SEMA3A: variants seen among roughly 807,000 people sequenced by gnomAD.
The protein encoded by SEMA3A is semaphorin-3A.
Under a neutral mutation model 97.9 loss-of-function variants are expected in SEMA3A, and 29 were observed. That is an observed-to-expected ratio of 0.30 (90% CI 0.22 to 0.40). The LOEUF (loss-of-function observed/expected upper bound fraction) is 0.40, where lower values mean the gene tolerates loss of function less well. SEMA3A is among the 10% of genes least tolerant of loss of function. SEMA3A has a pLI of 1.00. For missense variants in SEMA3A, 763 were observed against 951.3 expected (o/e 0.80, Z 2.60); for synonymous variants, 321 against 323.7 (o/e 0.99, Z 0.09).
chr7:84,460,613 TC>T (rs1415431534), intron 1 of SEMA3A, among the ~76,000 whole-genome samples: 44 of 152,348 alleles, frequency 2.9e-4, no homozygotes, highest in Non-Finnish European at 4.7e-4. Context: ...TTTGTACAGT[TC>T]CCAGTCCACT....
At chr7:84,416,726 C>A (rs1402673747) in intron 1 of SEMA3A, among the ~76,000 whole-genome samples, 1 of 152,024 alleles carries the variant, frequency 6.6e-6, no homozygotes, top group Non-Finnish European at 1.5e-5. Flanking sequence ...TAGTTGGAAA[C>A]CAGATTGGAA....
chr7:84,316,648 T>C lies in SEMA3A; in HGVS notation c.-168-9356A>G, dbSNP rs762936494. 3.2e-4 allele frequency among the ~76,000 whole-genome samples: 49 copies of C among 152,276 alleles called. 1 individual carries two copies. The highest frequency in any genetic ancestry group is 5.4e-4 in the Non-Finnish European group (37 of 68,012). On this transcript the variant is annotated intron_variant, in intron 2 of 3. Coordinates refer to the SEMA3A transcript ENST00000424555. ...GAGATTTACCATTTAAGAGCTCCTG[T>C]GAATCTTCTCTCCTGTTACTTGATG... is the stretch of plus-strand genomic sequence containing the variant.
At chr7:84,011,985 C>T (rs370368027) in intron 7 of SEMA3A, among the ~76,000 whole-genome samples, 1 of 151,752 alleles carries the variant, frequency 6.6e-6, no homozygotes, top group Non-Finnish European at 1.5e-5. Context: ...AAGACAAGCA[C>T]GGAAAGACAA....
chr7:84,443,362 C>T (rs1311226994), intron 1 of SEMA3A, among the ~76,000 whole-genome samples: 1 of 152,124 alleles, frequency 6.6e-6, no homozygotes, highest in Non-Finnish European at 1.5e-5. Context: ...CCATCAAGGT[C>T]AAGACACTTT....
intron 4 of SEMA3A, among the ~76,000 whole-genome samples, chr7:84,066,416 G>C (rs185216121): frequency 7.0e-6 from 1 of 141,924 alleles, no homozygotes; most frequent in Admixed American, 7.2e-5. Flanking sequence ...CGAAGTTCTG[G>C]CCAGGGCAGT....
At chr7:84,389,364 T>C (rs1016374910) in intron 1 of SEMA3A, among the ~76,000 whole-genome samples, 2 of 152,078 alleles carry the variant, frequency 1.3e-5, no homozygotes, top group Non-Finnish European at 2.9e-5. Flanking sequence ...GAAGATTATT[T>C]TGTGAGTCTG....
intron 12 of SEMA3A, 113 bp downstream of exon 12, chr7:84,001,842 T>C (rs1584531542): frequency 3.8e-6 from 2 of 527,828 alleles, no homozygotes; most frequent in East Asian, 6.3e-5. Flanking sequence ...GACAAGCTAA[T>C]TAGAAGGGTA....
intron 3 of SEMA3A, among the ~76,000 whole-genome samples, chr7:84,112,718 C>A (rs959403211): frequency 6.6e-6 from 1 of 152,146 alleles, no homozygotes; most frequent in African/African-American, 2.4e-5. Flanking sequence ...TAATTAATGA[C>A]TGAAAAACTC....
chr7:84,464,147 A>G lies in SEMA3A; in HGVS notation c.-246+28313T>C, dbSNP rs144352018. On this transcript the variant is annotated intron_variant, in intron 1 of 3. Transcript: ENST00000424555. ...TCAGGAGAGACAGAAAACAGAAATTAACACAAATAACAGTTTTCCTTTATT... is the reference window on the plus strand; with the variant it reads ...TCAGGAGAGACAGAAAACAGAAATTGACACAAATAACAGTTTTCCTTTATT... Among the ~76,000 whole-genome samples, 557 of 152,338 alleles carry G rather than the reference A, an allele frequency of 3.7e-3. 2 individuals carry two copies. Among genetic ancestry groups the G allele is most frequent in the African/African-American group, 0.013 (534 of 41,566 alleles).
intron 5 of SEMA3A, among the ~76,000 whole-genome samples, chr7:84,053,787 G>T: frequency 6.9e-6 from 1 of 143,904 alleles, no homozygotes; most frequent in Non-Finnish European, 1.5e-5. Flanking sequence ...CTCGTTAATT[G>T]ATGGAGTTTC....
At chr7:84,348,969 G>T (rs1802373210) in intron 2 of SEMA3A, among the ~76,000 whole-genome samples, 1 of 152,116 alleles carries the variant, frequency 6.6e-6, no homozygotes, top group African/African-American at 2.4e-5. Context: ...GGGCAAGGGA[G>T]TGAGACTCCA....
At chr7:84,079,899 C>T (rs1036948404) in intron 4 of SEMA3A, among the ~76,000 whole-genome samples, 6 of 147,508 alleles carry the variant, frequency 4.1e-5, no homozygotes, top group African/African-American at 7.8e-5. Flanking sequence ...AAGACACTTG[C>T]GCACGTATGT....
At chr7:83,996,944 T>G (rs1282416487) in intron 12 of SEMA3A, among the ~76,000 whole-genome samples, 1 of 152,182 alleles carries the variant, frequency 6.6e-6, no homozygotes, top group East Asian at 1.9e-4. Context: ...CTTTCTATAC[T>G]CTGATCGAGA....
chr7:84,066,094 T>C (rs1383820496), intron 4 of SEMA3A, among the ~76,000 whole-genome samples: 1 of 151,520 alleles, frequency 6.6e-6, no homozygotes, highest in Non-Finnish European at 1.5e-5. Context: ...GCTTCATCCC[T>C]GGGATGCAAG....
chr7:84,320,072 C>A (rs2115904342), intron 2 of SEMA3A, among the ~76,000 whole-genome samples: 1 of 152,236 alleles, frequency 6.6e-6, no homozygotes, highest in African/African-American at 2.4e-5. Flanking sequence ...GTTACCATAT[C>A]TGACACTGTC....
At chr7:84,228,623 C>A (rs1257431454) in intron 3 of SEMA3A, among the ~76,000 whole-genome samples, 1 of 151,950 alleles carries the variant, frequency 6.6e-6, no homozygotes, top group Non-Finnish European at 1.5e-5. Context: ...AAAAAAACAT[C>A]AATTGAGTCT....
Position 84,064,829 on chromosome 7 carries a change from C to T in SEMA3A, c.454-4271G>A, listed in dbSNP as rs1379553844. On this transcript the variant is annotated intron_variant, in intron 4 of 16. Transcript: ENST00000265362. ...CCCACACATTAATAATGGGAGACTT[C>T]AACACCCCACTGTCAACATTAGACA... 7.3e-3 allele frequency among the ~76,000 whole-genome samples: 1,097 copies of T among 149,786 alleles called. 2 individuals carry two copies. Among genetic ancestry groups the T allele is most frequent in the African/African-American group, 0.02 (790 of 39,894 alleles).
In SEMA3A at chr7:84,418,710, G is replaced by C. The variant is rs189145470; in HGVS notation, c.-245-46810C>G. 6.6e-5 allele frequency among the ~76,000 whole-genome samples: 10 copies of C among 151,946 alleles called. No individual in the cohort carries two copies. In the East Asian group the frequency reaches 2.0e-3, roughly 30 times the overall value. On this transcript the variant is annotated intron_variant, in intron 1 of 3. Transcript: ENST00000424555. The stretch of plus-strand genomic sequence containing the variant: ...TCTGGCACTTGTACCAGTAGCCTCC[G>C]GGGGGCTCTTGAGCCTCTAGCCTCA...
chr7:84,416,759 A>G (rs1425728716), intron 1 of SEMA3A, among the ~76,000 whole-genome samples: 1 of 152,168 alleles, frequency 6.6e-6, no homozygotes, highest in Non-Finnish European at 1.5e-5. Flanking sequence ...CAGAAACTTC[A>G]GATTTCAAAA....
Sources: allele counts gnomAD v4.1 joint callset (sites outside exome capture counted in the v4.1 genomes callset), GRCh38; gene constraint gnomAD v4.1.1; transcripts MANE v1.5; gene names NCBI Gene and HGNC (gene_info 2026-07-23, HGNC 2026-07-21).